Variants in FLRT2 observed in about 807,000 individuals in gnomAD.
The protein encoded by FLRT2 is fibronectin leucine rich transmembrane protein 2.
FLRT2 carries 15 observed loss-of-function variants against 40.0 expected under a neutral mutation model. The ratio of observed to expected loss-of-function variants is 0.38; its 90% CI spans 0.25 to 0.58. The LOEUF (loss-of-function observed/expected upper bound fraction) is 0.58. Among genes scored for constraint, FLRT2 ranks in the 20% least tolerant of loss-of-function variants. The pLI is 0.71. For synonymous variants in FLRT2, 380 were observed against 336.8 expected (o/e 1.13, Z -1.41); for missense variants, 726 against 840.0 (o/e 0.86, Z 1.68).
intron 1 of FLRT2, among the ~76,000 whole-genome samples, chr14:85,539,363 G>A (rs1266100908): frequency 1.3e-5 from 1 of 76,292 alleles, no homozygotes; most frequent in African/African-American, 4.4e-5. Flanking sequence ...AGAGTTGTTT[G>A]TTTTCGTTGG....
At chr14:85,607,987 G>A (rs1252993944) in intron 1 of FLRT2, among the ~76,000 whole-genome samples, 3 of 151,832 alleles carry the variant, frequency 2.0e-5, no homozygotes, top group Non-Finnish European at 2.9e-5. Flanking sequence ...TCCTCACATG[G>A]TCTTCCCTCT....
rs1399594732 is a variant in FLRT2 at position 85,623,197 on chromosome 14, C to G, written c.1683C>G (p.Val561=). ...VIFVLVVLLS[V]FCWHMHKKGR... ...TTGTGCTGGTGGTCTTGCTCAGCGTCTTTTGCTGGCATATGCACAAAAAGG... is the reference window on the plus strand; with the variant it reads ...TTGTGCTGGTGGTCTTGCTCAGCGTGTTTTGCTGGCATATGCACAAAAAGG... The change falls in exon 2 of 2, where the codon GTC becomes GTG. Residue 561 remains valine (V), a synonymous_variant. Coordinates refer to ENST00000330753, the MANE Select transcript of FLRT2 (RefSeq NM_013231.6). 2 of 1,544,180 alleles carry G rather than the reference C, an allele frequency of 1.3e-6. No individual in the cohort carries two copies. The highest frequency in any genetic ancestry group is 8.7e-7 in the Non-Finnish European group (1 of 1,146,168).
In FLRT2 at chr14:85,547,450, AG is replaced by A. The variant is rs1889345582; in HGVS notation, c.-377+16917del. Among the ~76,000 whole-genome samples the A allele has an allele frequency of 2.0e-5, 3 of 151,240 alleles. 1 individual carries two copies. In the South Asian group the frequency reaches 6.3e-4, roughly 32 times the overall value. ...GCGATTCCCCTGCCTCAGCTTCCCG[AG>A]TAGCTGGGATTACAGGTGCCTGCCA... On this transcript the variant is annotated intron_variant, in intron 1 of 1. Coordinates refer to ENST00000330753, the MANE Select transcript of FLRT2 (RefSeq NM_013231.6).
chr14:85,542,490 A>C (rs548642262), intron 1 of FLRT2, among the ~76,000 whole-genome samples: 1 of 152,260 alleles, frequency 6.6e-6, no homozygotes, highest in African/African-American at 2.4e-5. Flanking sequence ...CATAATATAT[A>C]ATGTAATATA....
In FLRT2 at chr14:85,646,329, T is replaced by C. The variant is rs1275862934; in HGVS notation, c.*22832T>C. 1 of 152,214 alleles carries C rather than the reference T, an allele frequency of 6.6e-6. No homozygotes were observed. The highest frequency in any genetic ancestry group is 1.5e-5 in the Non-Finnish European group (1 of 68,038). 9.4% of individuals were successfully genotyped at this position (152,214 alleles called of 1,614,324 possible). On this transcript the variant is annotated 3_prime_UTR_variant, in exon 2 of 2. Coordinates refer to ENST00000330753, the MANE Select transcript of FLRT2 (RefSeq NM_013231.6). The stretch of plus-strand genomic sequence containing the variant: ...TTAGTGGCCAATACCTGGCCCTTTT[T>C]GTCTGTAGTTAAATGTGATGTGAGG...
intron 1 of FLRT2, among the ~76,000 whole-genome samples, chr14:85,578,219 T>C (rs1298155109): frequency 6.8e-6 from 1 of 146,440 alleles, no homozygotes; most frequent in Non-Finnish European, 1.5e-5. Context: ...AATATACGTA[T>C]ATATATTTAT....
At position 85,641,103 on chromosome 14, in the gene FLRT2, A is replaced by G. The variant is rs28572595; in HGVS notation, c.*17606A>G. 37,870 of 152,012 alleles carry G rather than the reference A, an allele frequency of 0.25. 4,820 individuals are homozygous for G. Among genetic ancestry groups the G allele is most frequent in the Middle Eastern group, 0.28 (82 of 290 alleles). The allele number at this position is 152,012 out of a possible 1,614,324, so 9.4% of individuals were successfully genotyped here. ...TAGTCTATGACTTATTTCTGCGAAA[A>G]CCCACGAAAGTGAAAACTAACAATA... On this transcript the variant is annotated 3_prime_UTR_variant, in exon 2 of 2. Transcript: ENST00000330753.
intron 1 of FLRT2, among the ~76,000 whole-genome samples, chr14:85,569,527 A>C (rs1332904103): frequency 2.0e-5 from 3 of 152,184 alleles, no homozygotes; most frequent in Non-Finnish European, 4.4e-5. Flanking sequence ...CAGTCCTTAG[A>C]GATAAATGTT....
intron 1 of FLRT2, among the ~76,000 whole-genome samples, chr14:85,620,099 C>T (rs1017070379): frequency 3.3e-5 from 5 of 152,170 alleles, no homozygotes; most frequent in African/African-American, 9.6e-5. Context: ...TCATTCTCCT[C>T]GGTGACTTGA....
rs950020540 is a variant in FLRT2 at position 85,651,855 on chromosome 14, C to T, written c.*28358C>T. 1 of 151,976 alleles carries T rather than the reference C, an allele frequency of 6.6e-6. No homozygotes were observed. The highest frequency in any genetic ancestry group is 2.4e-5 in the African/African-American group (1 of 41,398). The allele number at this position is 151,976 out of a possible 1,614,324, so 9.4% of individuals were successfully genotyped here. A position where few individuals can be genotyped will look rare whatever the true frequency, so the allele number is the denominator to read the frequency against. Reference sequence around the variant, plus strand: ...TCAGCATGCATATTTGACTTAAATTCTAAAATTAATAAACACTTTCTTAAT... The same window carrying T: ...TCAGCATGCATATTTGACTTAAATTTTAAAATTAATAAACACTTTCTTAAT... On this transcript the variant is annotated 3_prime_UTR_variant, in exon 2 of 2. Transcript: ENST00000330753.
intron 1 of FLRT2, among the ~76,000 whole-genome samples, chr14:85,541,944 G>T (rs1448862858): frequency 6.6e-6 from 1 of 152,086 alleles, no homozygotes; most frequent in East Asian, 1.9e-4. Flanking sequence ...AAAGTACAAA[G>T]ATTTTTATCA....
At position 85,623,596 on chromosome 14, in the gene FLRT2, A is replaced by AT; in HGVS notation, c.*99_*100insT. ...ACGCAGATTACATTTGATAAATGTT[A>AT]CACAGATGCATTTGTGCATTTGAAT... On this transcript the variant is annotated 3_prime_UTR_variant, in exon 2 of 2. Coordinates refer to ENST00000330753, the MANE Select transcript of FLRT2 (RefSeq NM_013231.6). The AT allele has an allele frequency of 4.1e-6, 4 of 964,778 alleles. No homozygotes were observed. The highest frequency in any genetic ancestry group is 4.3e-6 in the Non-Finnish European group (3 of 697,494). 59.8% of individuals were successfully genotyped at this position (964,778 alleles called of 1,614,324 possible).
At chr14:85,607,872 C>T (rs1595080326) in intron 1 of FLRT2, among the ~76,000 whole-genome samples, 1 of 152,048 alleles carries the variant, frequency 6.6e-6, no homozygotes, top group East Asian at 1.9e-4. Flanking sequence ...TGTATTTTCT[C>T]ACAATTCTGG....
In FLRT2 at chr14:85,640,551, A is replaced by G. The variant is rs1014886695; in HGVS notation, c.*17054A>G. ...ATTAGGAGACACAGAATTATTTAAT[A>G]ATAATGGTAATAATGACTAAGTTCT... On this transcript the variant is annotated 3_prime_UTR_variant, in exon 2 of 2. Coordinates refer to ENST00000330753, the MANE Select transcript of FLRT2 (RefSeq NM_013231.6). 3 of 152,200 alleles carry G rather than the reference A, an allele frequency of 2.0e-5. No homozygotes were observed. Among genetic ancestry groups the G allele is most frequent in the African/African-American group, 7.2e-5 (3 of 41,448 alleles). The allele number at this position is 152,200 out of a possible 1,614,324, so 9.4% of individuals were successfully genotyped here.
Position 85,599,048 on chromosome 14 carries a change from GCTGGGA to G in FLRT2, c.-376-22088_-376-22083del, listed in dbSNP as rs1263469711. Among the ~76,000 whole-genome samples, 7 of 151,202 alleles carry G rather than the reference GCTGGGA, an allele frequency of 4.6e-5. No individual in the cohort carries two copies. The Admixed American group carries it at 4.6e-4, about 10-fold the overall frequency. ...TTGTCCTGCCTCAGCCTCCCGAGTA[GCTGGGA>G]CTACAGGCTCCCGTCATCATGCCCG... On this transcript the variant is annotated intron_variant, in intron 1 of 1. Coordinates refer to ENST00000330753, the MANE Select transcript of FLRT2 (RefSeq NM_013231.6).
Position 85,621,369 on chromosome 14 carries a change from AT to A in FLRT2, c.-142del. 1 of 695,600 alleles carries A rather than the reference AT, an allele frequency of 1.4e-6. No homozygotes were observed. Among genetic ancestry groups the A allele is most frequent in the East Asian group, 2.7e-5 (1 of 36,636 alleles). 43.1% of individuals were successfully genotyped at this position (695,600 alleles called of 1,614,324 possible). ...TAAGACCAGAGACAGCAGGGAGATTATTTTACCATACGCCCTCAGGACGTTC... is the reference window on the plus strand; with the variant it reads ...TAAGACCAGAGACAGCAGGGAGATTATTTACCATACGCCCTCAGGACGTTC... On this transcript the variant is annotated 5_prime_UTR_variant, in exon 2 of 2. Coordinates refer to ENST00000330753, the MANE Select transcript of FLRT2 (RefSeq NM_013231.6).
At chr14:85,589,134 G>A (rs1447509252) in intron 1 of FLRT2, among the ~76,000 whole-genome samples, 3 of 152,132 alleles carry the variant, frequency 2.0e-5, no homozygotes, top group Non-Finnish European at 4.4e-5. Context: ...ATCCAGTAAT[G>A]CAATTGCTGG....
rs2753641 is a variant in FLRT2, at chr14:85,647,046, A to G, written c.*23549A>G. Reference sequence around the variant, plus strand: ...TATGAATGTTGTTTCTTTTTCTTAGACAAAGTGCATATCTGCTCAAGATGG... The same window carrying G: ...TATGAATGTTGTTTCTTTTTCTTAGGCAAAGTGCATATCTGCTCAAGATGG... On this transcript the variant is annotated 3_prime_UTR_variant, in exon 2 of 2. Transcript: ENST00000330753. 0.97 allele frequency: 147,916 copies of G among 152,234 alleles called. 71,871 individuals carry two copies. Among genetic ancestry groups the G allele is most frequent in the Admixed American group, 0.98 (15,019 of 15,280 alleles). The allele number at this position is 152,234 out of a possible 1,614,324, so 9.4% of individuals were successfully genotyped here.
chr14:85,561,932 C>T (rs138773602), intron 1 of FLRT2, among the ~76,000 whole-genome samples: 1 of 152,250 alleles, frequency 6.6e-6, no homozygotes, highest in African/African-American at 2.4e-5. Context: ...CCTAAAATTC[C>T]AGAGCTTCTC....
Sources: allele counts gnomAD v4.1 joint callset (sites outside exome capture counted in the v4.1 genomes callset), GRCh38; gene constraint gnomAD v4.1.1; transcripts MANE v1.5; gene names NCBI Gene and HGNC (gene_info 2026-07-23, HGNC 2026-07-21).